The following MAPK10 variants were observed in gnomAD, a reference collection of about 807,000 sequenced individuals.
MAPK10 encodes the protein JNK3 alpha protein kinase.
MAPK10 carries 25 observed loss-of-function variants against 59.3 expected under a neutral mutation model. That is an observed-to-expected ratio of 0.42 (90% CI 0.31 to 0.59). The LOEUF is 0.59. Ranked by LOEUF, MAPK10 falls within the 20% of genes least tolerant of loss-of-function variation. The pLI, the probability that MAPK10 is intolerant of heterozygous loss-of-function variation, is 0.15. For missense variants in MAPK10, 351 were observed against 568.9 expected (o/e 0.62, Z 3.90); for synonymous variants, 190 against 200.5 (o/e 0.95, Z 0.44).
chr4:86,326,353 T>C lies in MAPK10; in HGVS notation c.-7+28177A>G, dbSNP rs2096022511. On this transcript the variant is annotated intron_variant, in intron 2 of 13. Coordinates refer to ENST00000641462, the MANE Select transcript of MAPK10 (RefSeq NM_138982.4). ...TAAGCAAGGAAGAGATATGGTCTAATCTATTCTAGAAAATTTACTCTGATT... is the reference window on the plus strand; with the variant it reads ...TAAGCAAGGAAGAGATATGGTCTAACCTATTCTAGAAAATTTACTCTGATT... 3.9e-5 allele frequency: 6 copies of C among 152,180 alleles called. No individual in the cohort carries two copies. The South Asian group carries it at 1.2e-3, about 32-fold the overall frequency. 9.4% of individuals were successfully genotyped at this position (152,180 alleles called of 1,614,324 possible).
intron 1 of MAPK10, among the ~76,000 whole-genome samples, chr4:86,486,703 G>C (rs778589224): frequency 8.5e-5 from 13 of 152,206 alleles, no homozygotes; most frequent in Non-Finnish European, 1.8e-4. Flanking sequence ...TGGATGCAAA[G>C]TCCAGGGGGA....
intron 2 of MAPK10, among the ~76,000 whole-genome samples, chr4:86,264,398 A>T (rs2094139798): frequency 6.6e-6 from 1 of 152,242 alleles, no homozygotes; most frequent in Middle Eastern, 3.2e-3. Flanking sequence ...GAACAAGAAG[A>T]GACATGATAC....
At chr4:86,067,205 G>C (rs902666096) in intron 10 of MAPK10, among the ~76,000 whole-genome samples, 1 of 152,226 alleles carries the variant, frequency 6.6e-6, no homozygotes, top group East Asian at 1.9e-4. Context: ...GCAGTTGCCC[G>C]ATCTCGGCTC....
intron 1 of MAPK10, among the ~76,000 whole-genome samples, chr4:86,470,407 T>C (rs1203788295): frequency 6.6e-6 from 1 of 152,214 alleles, no homozygotes; most frequent in Admixed American, 6.5e-5. Flanking sequence ...TTGGGACAAG[T>C]CTGAATAGAT....
chr4:86,334,820 G>A (rs1183564929), intron 2 of MAPK10, among the ~76,000 whole-genome samples: 1 of 151,652 alleles, frequency 6.6e-6, no homozygotes, highest in African/African-American at 2.4e-5. Flanking sequence ...TTCAAATATT[G>A]AAGGTTAGCA....
chr4:86,417,212 T>C (rs1341001802), intron 1 of MAPK10, among the ~76,000 whole-genome samples: 1 of 152,194 alleles, frequency 6.6e-6, no homozygotes, highest in Non-Finnish European at 1.5e-5. Flanking sequence ...TTAAGTTATT[T>C]TAAAAGTGGA....
rs1445228775 is a variant in MAPK10 at position 86,246,176 on chromosome 4, A to T, written c.-6-51769T>A. On this transcript the variant is annotated intron_variant, in intron 2 of 13. Coordinates refer to ENST00000641462, the MANE Select transcript of MAPK10 (RefSeq NM_138982.4). ...GCCAGGCGCGGTGGCTCACGCCTGT[A>T]ATCCCAGCACTTTGGGAGGCCGAGG... Among the ~76,000 whole-genome samples the T allele has an allele frequency of 2.6e-5, 4 of 152,220 alleles. 1 individual carries two copies. The highest frequency in any genetic ancestry group is 9.6e-5 in the African/African-American group (4 of 41,452).
intron 3 of MAPK10, among the ~76,000 whole-genome samples, chr4:86,173,413 G>A (rs1356866126): frequency 6.6e-6 from 1 of 152,106 alleles, no homozygotes; most frequent in Admixed American, 6.6e-5. Flanking sequence ...GAACTCACTA[G>A]CCATATGCAG....
At chr4:86,202,085 C>G (rs913952200) in intron 2 of MAPK10, among the ~76,000 whole-genome samples, 39 of 152,052 alleles carry the variant, frequency 2.6e-4, no homozygotes, top group African/African-American at 8.9e-4. Context: ...TGTATTTACT[C>G]ACATAGTACA....
At chr4:86,117,788 G>A (rs1469706152) in intron 4 of MAPK10, 4 of 152,176 alleles carry the variant, frequency 2.6e-5, no homozygotes, top group Admixed American at 2.0e-4. Context: ...TAGATTCCTG[G>A]TTAAGAGGAG....
chr4:86,017,292 G>A lies in MAPK10; in HGVS notation c.1331C>T (p.Thr444Ile). The A allele has an allele frequency of 6.2e-7, 1 of 1,614,198 alleles. No homozygotes were observed. ...GCTGCTGTCAGTGTCAGATGCCAGG[G>A]TCTGGTCGGTGGACATGGAGGAGAT... ...NDISSMSTDQ[T>I]LASDTDSSLE... is the part of the protein sequence containing the mutation. The change falls in exon 14 of 14, where the codon ACC (threonine) becomes ATC (isoleucine). Residue 444 changes from threonine (T) to isoleucine (I), a missense_variant. This residue lies in a region of MAPK10 where 155 missense variants were observed against 204.2 expected (regional missense o/e 0.76). Transcript: ENST00000641462. The surrounding 1 kb of genome is among the most constrained non-coding windows in gnomAD (Gnocchi z 4.4).
At chr4:86,359,288 CTGTGTGTGTGTGTGTG>C (rs1554248575) in intron 1 of MAPK10, among the ~76,000 whole-genome samples, 4 of 94,606 alleles carry the variant, frequency 4.2e-5, no homozygotes, top group Admixed American at 1.1e-4. Context: ...CTCTCTCTCT[CTGTGTGTGTGTGTGTG>C]TGTGTGTGTG....
At chr4:86,549,018 T>C (rs1759541901) in intron 1 of MAPK10, among the ~76,000 whole-genome samples, 1 of 152,222 alleles carries the variant, frequency 6.6e-6, no homozygotes, top group Non-Finnish European at 1.5e-5. Flanking sequence ...TCACTGTTTA[T>C]TTCATGGAAT....
chr4:86,521,345 C>T (rs1434555102), intron 1 of MAPK10, among the ~76,000 whole-genome samples: 1 of 152,118 alleles, frequency 6.6e-6, no homozygotes, highest in Non-Finnish European at 1.5e-5. Context: ...TGGGTAGGGC[C>T]ATAGAGCATA....
At position 86,075,919 on chromosome 4, in the gene MAPK10, C is replaced by T. The variant is rs547847257; in HGVS notation, c.803-7964G>A. Among the ~76,000 whole-genome samples the T allele has an allele frequency of 3.9e-5, 6 of 152,278 alleles. No individual in the cohort carries two copies. The East Asian group carries it at 1.2e-3, about 29-fold the overall frequency. On this transcript the variant is annotated intron_variant, in intron 9 of 13. Coordinates refer to ENST00000641462, the MANE Select transcript of MAPK10 (RefSeq NM_138982.4). ...GGCCTCCTTGAGCTGTGGTGGGCTC[C>T]ACCCAGTTCGAGTTTCCAGGCTGCT...
chr4:86,544,422 A>T (rs111462603), intron 1 of MAPK10, among the ~76,000 whole-genome samples: 2,890 of 152,364 alleles, frequency 0.019, 52 homozygotes, highest in Non-Finnish European at 0.03. Flanking sequence ...TACTGCCTAC[A>T]TACTATTCTT....
intron 2 of MAPK10, among the ~76,000 whole-genome samples, chr4:86,196,993 T>C (rs908021513): frequency 6.6e-6 from 1 of 152,226 alleles, no homozygotes; most frequent in African/African-American, 2.4e-5. Context: ...TCATGTAGCA[T>C]GATGCCTCCA....
chr4:86,097,367 C>T (rs1211920602), intron 9 of MAPK10, among the ~76,000 whole-genome samples: 1 of 151,866 alleles, frequency 6.6e-6, no homozygotes, highest in African/African-American at 2.4e-5. Flanking sequence ...TATTATGGTA[C>T]CCACTTCTTG....
chr4:86,501,878 G>T (rs897226633), intron 1 of MAPK10, among the ~76,000 whole-genome samples: 16 of 152,002 alleles, frequency 1.1e-4, no homozygotes, highest in Admixed American at 7.9e-4. Flanking sequence ...GGTTTAGTAG[G>T]TTACATGGAA....
Sources: gnomAD v4.1 joint callset for allele counts (sites outside exome capture counted in the v4.1 genomes callset) on GRCh38, gnomAD v4.1.1 for gene constraint, gnomAD v4.1.1 regional missense constraint, Gnocchi (gnomAD v3.1) non-coding constraint, MANE v1.5 for transcripts, NCBI Gene and HGNC (gene_info 2026-07-23, HGNC 2026-07-21) for gene names.